The following CD36 variants were observed in gnomAD, a reference collection of about 807,000 sequenced individuals.
CD36 encodes CD36 molecule (CD36 blood group).
CD36 carries 119 observed loss-of-function variants against 55.2 expected under a neutral mutation model. The ratio of observed to expected loss-of-function variants is 2.15; its 90% CI spans 1.86 to 2.51. The LOEUF is 2.51. Ranked by LOEUF, CD36 falls within the 30% of genes most tolerant of loss-of-function variation. CD36 has a pLI of 0.00. For synonymous variants in CD36, 186 were observed against 193.6 expected, an observed-to-expected ratio of 0.96 and a Z score of 0.33; for missense variants, 819 against 555.5, an observed-to-expected ratio of 1.47 and a Z score of -4.77.
chr7:80,661,023 T>C (rs1796473363), intron 4 of CD36, 40 bp from the exon 5 acceptor site: 2 of 1,443,522 alleles, frequency 1.4e-6, no homozygotes, highest in African/African-American at 1.4e-5. Context: ...TGTTCACATA[T>C]GACAAATGTT....
chr7:80,673,129 G>T (rs1797880838), intron 12 of CD36: 2 of 499,494 alleles, frequency 4.0e-6, no homozygotes, highest in Admixed American at 7.4e-5. Flanking sequence ...AGTTCCCCGA[G>T]AATTTATTGA....
intron 1 of CD36, among the ~76,000 whole-genome samples, chr7:80,641,707 G>T (rs1192370505): frequency 6.6e-6 from 1 of 152,064 alleles, no homozygotes; most frequent in East Asian, 1.9e-4. Context: ...TCAGGGCCAT[G>T]CCTTTTCTGG....
intron 1 of CD36, among the ~76,000 whole-genome samples, chr7:80,609,477 C>T (rs6973242): frequency 0.34 from 50,411 of 150,354 alleles, 8,603 homozygotes; most frequent in South Asian, 0.47. Context: ...GTAGATGTCA[C>T]GGCCTATTAG....
chr7:80,650,941 A>C (rs993451049), intron 3 of CD36, among the ~76,000 whole-genome samples: 29 of 151,798 alleles, frequency 1.9e-4, no homozygotes, highest in African/African-American at 6.8e-4. Flanking sequence ...AAAAAAAAAA[A>C]AACTAAAAAT....
chr7:80,611,042 A>G (rs1235668897), intron 1 of CD36, among the ~76,000 whole-genome samples: 3 of 151,938 alleles, frequency 2.0e-5, no homozygotes, highest in Non-Finnish European at 4.4e-5. Context: ...TGCCCAGCTA[A>G]TTTTTGTGGT....
At chr7:80,649,844 G>A (rs3211825) in intron 3 of CD36, among the ~76,000 whole-genome samples, 1,907 of 151,988 alleles carry the variant, frequency 0.013, 19 homozygotes, top group Non-Finnish European at 0.019. Flanking sequence ...GGAAAAGAAT[G>A]ATCTTATATG....
chr7:80,650,567 C>A (rs1175619107), intron 3 of CD36, among the ~76,000 whole-genome samples: 1 of 151,962 alleles, frequency 6.6e-6, no homozygotes, highest in African/African-American at 2.4e-5. Context: ...CATTAAAACT[C>A]ATTTAATATT....
intron 8 of CD36, among the ~76,000 whole-genome samples, chr7:80,669,217 T>C (rs764039597): frequency 1.3e-5 from 2 of 152,180 alleles, no homozygotes; most frequent in Admixed American, 1.3e-4. Flanking sequence ...GTTTCTTTTA[T>C]TTTGTACCAT....
At chr7:80,672,689 C>T in intron 11 of CD36, 81 bp from the exon 12 acceptor site, 1 of 941,928 alleles carries the variant, frequency 1.1e-6, no homozygotes, top group Non-Finnish European at 1.7e-6. Flanking sequence ...ACCTTCTCTT[C>T]TGCTGTAAGA....
chr7:80,605,540 G>C (rs1792497850), intron 1 of CD36, among the ~76,000 whole-genome samples: 1 of 152,130 alleles, frequency 6.6e-6, no homozygotes, highest in African/African-American at 2.4e-5. Context: ...AGAAGGACTA[G>C]AAGGAAGATA....
At chr7:80,634,692 C>T (rs1238549867), upstream of CD36, among the ~76,000 whole-genome samples, 1 of 152,118 alleles carries the variant, frequency 6.6e-6, no homozygotes, top group African/African-American at 2.4e-5. Context: ...ACTCAACTTA[C>T]TGTACTCTTC....
At chr7:80,616,258 C>A (rs868114500) in intron 1 of CD36, among the ~76,000 whole-genome samples, 3 of 152,206 alleles carry the variant, frequency 2.0e-5, no homozygotes, top group South Asian at 2.1e-4. Flanking sequence ...CACATTTGGG[C>A]AAAATCATCT....
At chr7:80,619,843 T>G (rs192150915) in intron 1 of CD36, among the ~76,000 whole-genome samples, 2 of 152,188 alleles carry the variant, frequency 1.3e-5, no homozygotes, top group African/African-American at 4.8e-5. Context: ...GCAACCATCA[T>G]GGATGACTGA....
rs1796836559 is a variant in CD36 at position 80,664,444 on chromosome 7, T to C, written c.648T>C (p.Asn216=). The C allele has an allele frequency of 6.3e-7, 1 of 1,581,352 alleles. No homozygotes were observed. Among genetic ancestry groups the C allele is most frequent in the Non-Finnish European group, 8.7e-7 (1 of 1,150,576 alleles). The change falls in exon 7 of 15, where the codon AAT becomes AAC. Residue 216 remains asparagine (N), a synonymous_variant. Transcript: ENST00000447544. ...NTADGVYKVF[N]GKDNISKVAI... ...CAGATGGAGTTTATAAAGTTTTCAA[T>C]GGAAAAGATAACATAAGTAAAGTTG...
intron 11 of CD36, 28 bp from the exon 12 acceptor site, chr7:80,672,742 G>T: frequency 6.8e-7 from 1 of 1,471,746 alleles, no homozygotes; most frequent in Non-Finnish European, 9.5e-7. Context: ...TTTAAAAGTT[G>T]GTAATTATTT....
rs968748991 is a variant in CD36, at chr7:80,674,059, T to C, written c.1331T>C (p.Ile444Thr). 3.2e-5 allele frequency: 52 copies of C among 1,611,874 alleles called. No individual in the cohort carries two copies. The highest frequency in any genetic ancestry group is 4.4e-5 in the Non-Finnish European group (52 of 1,178,560). ...GGAAAAATAAACCTCCTTGGCCTGA[T>C]AGAAATGATCTTACTCAGTGTTGGT... is the stretch of plus-strand genomic sequence containing the variant. ...VTGKINLLGL[I>T]EMILLSVGVV... The change falls in exon 14 of 15, where the codon ATA becomes ACA. Residue 444 changes from isoleucine (I) to threonine (T), a missense_variant. By Grantham distance (89) the Ile-to-Thr change is moderately conservative. Coordinates refer to ENST00000447544, the MANE Select transcript of CD36 (RefSeq NM_001001548.3).
intron 1 of CD36, among the ~76,000 whole-genome samples, chr7:80,603,469 C>G (rs556906829): frequency 6.6e-6 from 1 of 152,146 alleles, no homozygotes; most frequent in East Asian, 1.9e-4. Context: ...GATGGGATCT[C>G]TATCTCAAAG....
intron 2 of CD36, 121 bp downstream of exon 2, chr7:80,646,302 G>GTCGCCGTATCATT: frequency 8.9e-6 from 2 of 225,656 alleles, no homozygotes; most frequent in East Asian, 1.0e-4. Context: ...GTGTTGGGTG[G>GTCGCCGTATCATT]AGAAACCAGA....
At chr7:80,658,637 C>T (rs1330814069) in intron 4 of CD36, among the ~76,000 whole-genome samples, 2 of 152,082 alleles carry the variant, frequency 1.3e-5, no homozygotes, top group Non-Finnish European at 2.9e-5. Context: ...GGACCACAGG[C>T]GCATGCCACT....
Sources: gnomAD v4.1 joint callset for allele counts (sites outside exome capture counted in the v4.1 genomes callset) on GRCh38, gnomAD v4.1.1 for gene constraint, MANE v1.5 for transcripts, NCBI Gene and HGNC (gene_info 2026-07-23, HGNC 2026-07-21) for gene names.